The following TMEM67 variants were observed in gnomAD, a reference collection of about 807,000 sequenced individuals.
The protein encoded by TMEM67 is meckelin.
In TMEM67, 124 loss-of-function variants were observed where a neutral mutation model predicts 136.6. The ratio of observed to expected loss-of-function variants is 0.91; its 90% confidence interval spans 0.78 to 1.05. TMEM67 has a LOEUF of 1.05. Ranked by LOEUF, TMEM67 falls within the 50% of genes least tolerant of loss-of-function variation. The probability of loss-of-function intolerance (pLI) is 0.00; values close to 1 mark genes in which losing one functional copy is unlikely to be tolerated. For synonymous variants in TMEM67, 364 were observed against 390.5 expected (o/e 0.93, Z 0.80); for missense variants, 1,107 against 1,178.4 (o/e 0.94, Z 0.89).
intron 3 of TMEM67, chr8:93,762,916 C>G (rs979483160): frequency 2.3e-6 from 1 of 434,492 alleles, no homozygotes; most frequent in African/African-American, 2.0e-5. Context: ...TTAGATTTAC[C>G]TGATTCTTTT....
intron 20 of TMEM67, among the ~76,000 whole-genome samples, chr8:93,798,240 G>A (rs1814707520): frequency 6.6e-6 from 1 of 152,106 alleles, no homozygotes; most frequent in African/African-American, 2.4e-5. Flanking sequence ...ATCCCTTGGG[G>A]ATCTTTTGTA....
At chr8:93,761,544 A>C (rs1272570744) in intron 3 of TMEM67, among the ~76,000 whole-genome samples, 2 of 152,204 alleles carry the variant, frequency 1.3e-5, no homozygotes, top group Non-Finnish European at 2.9e-5. Context: ...TTCTTGCAAC[A>C]TTATTCCTAA....
chr8:93,808,525 CTATA>C (rs1192421433), intron 23 of TMEM67, among the ~76,000 whole-genome samples: 2 of 16,234 alleles, frequency 1.2e-4, no homozygotes, highest in African/African-American at 4.5e-4. Flanking sequence ...TATTTATAAT[CTATA>C]TATATCTATA....
intron 3 of TMEM67, chr8:93,760,017 A>T: frequency 6.9e-7 from 1 of 1,447,074 alleles, no homozygotes; most frequent in Non-Finnish European, 9.2e-7. Flanking sequence ...AGGGATATGA[A>T]GGCAGGCTTT....
the TMEM67 span, among the ~76,000 whole-genome samples, chr8:93,831,660 G>A: frequency 6.6e-6 from 1 of 151,996 alleles, no homozygotes; most frequent in Non-Finnish European, 1.5e-5. Flanking sequence ...GTGCATGAGT[G>A]CATGCATGTG....
chr8:93,755,666 A>T, intron 1 of TMEM67, 112 bp from the exon 2 acceptor site: 2 of 730,490 alleles, frequency 2.7e-6, no homozygotes, highest in East Asian at 5.4e-5. Context: ...GCTGTTAATC[A>T]CTATACTGCT....
At chr8:93,806,901 T>C (rs558997087) in intron 23 of TMEM67, among the ~76,000 whole-genome samples, 2 of 152,210 alleles carry the variant, frequency 1.3e-5, no homozygotes, top group African/African-American at 4.8e-5. Flanking sequence ...ATCAAGCCAT[T>C]ATAAAAGTGA....
chr8:93,765,380 A>C, intron 4 of TMEM67, 26 bp from the exon 5 acceptor site: 2 of 1,578,730 alleles, frequency 1.3e-6, no homozygotes, highest in Non-Finnish European at 8.7e-7. Flanking sequence ...TAACATTTTT[A>C]AAATTATTTT....
intron 6 of TMEM67, among the ~76,000 whole-genome samples, chr8:93,766,252 G>GA (rs1256307551): frequency 6.6e-6 from 1 of 152,066 alleles, no homozygotes; most frequent in Non-Finnish European, 1.5e-5. Flanking sequence ...GCGAGTAGCT[G>GA]GGATTACAGG....
At chr8:93,827,169 G>A in the TMEM67 span, among the ~76,000 whole-genome samples, 27 of 152,114 alleles carry the variant, frequency 1.8e-4, no homozygotes, top group Non-Finnish European at 2.8e-4. Flanking sequence ...ATCTTGAGAA[G>A]GTGAGCATGG....
downstream of TMEM67, chr8:93,819,049 C>CA: frequency 2.2e-6 from 1 of 448,990 alleles, no homozygotes; most frequent in Non-Finnish European, 4.4e-6. Flanking sequence ...GAGATTCACC[C>CA]ACCTCGGCCT....
chr8:93,792,847 C>T (rs995914100), intron 15 of TMEM67, among the ~76,000 whole-genome samples: 8 of 149,544 alleles, frequency 5.3e-5, no homozygotes, highest in African/African-American at 1.5e-4. Context: ...CTTGGTGGCT[C>T]ACTGCAAGCT....
chr8:93,754,959 C>A lies in TMEM67; in HGVS notation c.45C>A (p.Ser15=). The change falls in exon 1 of 28, where the codon TCC becomes TCA. Residue 15 remains serine, a synonymous_variant. Transcript: ENST00000453321. ...CTGGGGTGGCAATGGCGGTTTGGTCCCTCTTATCCGCCCGGGCCGTGACCG... is the reference window on the plus strand; with the variant it reads ...CTGGGGTGGCAATGGCGGTTTGGTCACTCTTATCCGCCCGGGCCGTGACCG... ...GGAGVAMAVW[S]LLSARAVTAF... 6.2e-7 allele frequency: 1 copy of A among 1,614,132 alleles called. No individual in the cohort carries two copies. The highest frequency in any genetic ancestry group is 8.5e-7 in the Non-Finnish European group (1 of 1,180,032).
chr8:93,804,116 G>A (rs1452218355), intron 22 of TMEM67, among the ~76,000 whole-genome samples: 1 of 151,458 alleles, frequency 6.6e-6, no homozygotes, highest in Non-Finnish European at 1.5e-5. Context: ...CCTGACCTCA[G>A]GTGATCCAGC....
chr8:93,769,565 C>G (rs1333467759), intron 6 of TMEM67: 3 of 167,082 alleles, frequency 1.8e-5, no homozygotes, highest in African/African-American at 7.2e-5. Flanking sequence ...GATTTAAAGT[C>G]ATGTTGCAAC....
chr8:93,815,790 AAAAC>A (rs1808883074), intron 27 of TMEM67, among the ~76,000 whole-genome samples: 2 of 152,130 alleles, frequency 1.3e-5, no homozygotes, highest in Admixed American at 1.3e-4. Flanking sequence ...AAGTAACAAA[AAAAC>A]AAGCACTGGA....
In TMEM67 at chr8:93,799,687, A is replaced by G. The variant is rs745864234; in HGVS notation, c.2170A>G (p.Ile724Val). The G allele has an allele frequency of 3.1e-6, 5 of 1,613,598 alleles. No individual in the cohort carries two copies. The highest frequency in any genetic ancestry group is 3.3e-5 in the Admixed American group (2 of 59,992). ...TCTTTCTAGAAACCCACCTAGCTAC[A>G]TAGCTCCTTATAGCTGCATTTTGAG... is the stretch of plus-strand genomic sequence containing the variant. ...SSLSRNPPSY[I>V]APYSCILRYA... Residue 724 changes from isoleucine to valine, a missense_variant, in exon 21 of 28, where the codon ATA becomes GTA. By Grantham distance (29) the Ile-to-Val change is conservative. This residue lies in a region of TMEM67 where 925 missense variants were observed against 1,002.4 expected (regional missense o/e 0.92). Coordinates refer to ENST00000453321, the MANE Select transcript of TMEM67 (RefSeq NM_153704.6).
chr8:93,762,872 CT>C (rs1812911954), intron 3 of TMEM67: 4 of 362,142 alleles, frequency 1.1e-5, no homozygotes, highest in South Asian at 2.1e-5. Flanking sequence ...TTCTAGCATA[CT>C]TTTTTCAGTT....
chr8:93,791,413 C>G, intron 15 of TMEM67, 94 bp downstream of exon 15: 1 of 835,158 alleles, frequency 1.2e-6, no homozygotes, highest in Non-Finnish European at 2.0e-6. Context: ...AATTTGCCAG[C>G]TATTCTTTCC....
Sources: allele counts gnomAD v4.1 joint callset (sites outside exome capture counted in the v4.1 genomes callset), GRCh38; gene constraint gnomAD v4.1.1; regional missense constraint gnomAD v4.1.1; transcripts MANE v1.5; gene names NCBI Gene and HGNC (gene_info 2026-07-23, HGNC 2026-07-21).